COL16A1: variants seen among roughly 807,000 people sequenced by gnomAD.
COL16A1 encodes collagen alpha-1(XVI) chain.
COL16A1 carries 189 observed loss-of-function variants against 266.3 expected under a neutral mutation model. The ratio of observed to expected loss-of-function variants is 0.71; its 90% CI spans 0.63 to 0.80. COL16A1 has a LOEUF of 0.80. COL16A1 is among the 30% of genes least tolerant of loss of function. COL16A1 has a pLI of 0.00. For missense variants in COL16A1, 1,928 were observed against 2,122.4 expected (o/e 0.91, Z 1.80); for synonymous variants, 740 against 782.3 (o/e 0.95, Z 0.90).
chr1:31,667,682 G>A (rs879067274), intron 51 of COL16A1, 54 bp from the exon 52 acceptor site: 14 of 1,495,590 alleles, frequency 9.4e-6, no homozygotes, highest in South Asian at 3.6e-5. Context: ...AGTCCGTCAC[G>A]GCACTAATGC....
Position 31,699,840 on chromosome 1 carries a change from C to T in COL16A1, c.239G>A (p.Gly80Glu). The change falls in exon 4 of 71, where the codon GGG (glycine) becomes GAG (glutamate). Residue 80 changes from glycine (G) to glutamate (E), a missense_variant. By Grantham distance (98) the Gly-to-Glu change is moderately conservative (BLOSUM62 -2). Around this residue, in one of 2 missense-constraint regions of COL16A1, gnomAD observed 1,552 missense variants for 1,637.2 expected, o/e 0.95. Transcript: ENST00000373672. ...CGTGGGCTGGGTCACGGGGGCCGCC[C>T]CCAGGCGCAGGATGAGAGGCCCCTT... is the stretch of plus-strand genomic sequence containing the variant. ...NPKGPLILRL[G>E]AAPVTQPTRR... The T allele has an allele frequency of 1.2e-6, 2 of 1,613,542 alleles. No homozygotes were observed. Among genetic ancestry groups the T allele is most frequent in the Non-Finnish European group, 1.7e-6 (2 of 1,179,520 alleles).
At position 31,662,723 on chromosome 1, in the gene COL16A1, A is replaced by G. The variant is rs1381655541; in HGVS notation, c.3556-65T>C. The G allele has an allele frequency of 1.0e-5, 13 of 1,260,546 alleles. No homozygotes were observed. In the East Asian group the frequency reaches 4.8e-4, roughly 46 times the overall value. The allele number at this position is 1,260,546 out of a possible 1,614,324, so 78.1% of individuals were successfully genotyped here. On this transcript the variant is annotated intron_variant, in intron 56 of 70. Transcript: ENST00000373672. ...AAGTCAGCAGGGCTTTGCCCCACCC[A>G]TGGAGACCAGGCCCTGGGTCAAGGG... is the stretch of plus-strand genomic sequence containing the variant.
In COL16A1 at chr1:31,662,659, C is replaced by T. The variant is rs745690482; in HGVS notation, c.3556-1G>A. The T allele has an allele frequency of 6.5e-7, 1 of 1,543,842 alleles. No homozygotes were observed. The highest frequency in any genetic ancestry group is 1.4e-5 in the African/African-American group (1 of 72,682). On this transcript the variant is annotated splice_acceptor_variant, in intron 56 of 70. Transcript: ENST00000373672. LOFTEE classifies it high-confidence loss of function. ...ATGGGCCTCGAATCCCTTCGCTGCCCTGGAAACCAGCGCCGCCCCCCCCCC... is the reference window on the plus strand; with the variant it reads ...ATGGGCCTCGAATCCCTTCGCTGCCTTGGAAACCAGCGCCGCCCCCCCCCC...
intron 17 of COL16A1, 73 bp from the exon 18 acceptor site, chr1:31,691,715 G>A: frequency 1.3e-6 from 2 of 1,544,184 alleles, no homozygotes; most frequent in Middle Eastern, 2.0e-4. Context: ...AGAGGTGAAT[G>A]CCCACCTGTC....
chr1:31,658,871 C>T (rs373928334), intron 63 of COL16A1, 43 bp downstream of exon 63: 50 of 1,550,636 alleles, frequency 3.2e-5, no homozygotes, highest in Middle Eastern at 1.7e-4. Context: ...TCAAGCAGGG[C>T]AAAACTCCTG....
At position 31,656,425 on chromosome 1, in the gene COL16A1, C is replaced by A; in HGVS notation, c.4076G>T (p.Gly1359Val). 1.9e-6 allele frequency: 3 copies of A among 1,613,434 alleles called. No individual in the cohort carries two copies. The highest frequency in any genetic ancestry group is 2.5e-6 in the Non-Finnish European group (3 of 1,179,806). ...AGKEGPPGKQGFYGPPGPKGD... is the reference protein window; with the variant it reads ...AGKEGPPGKQVFYGPPGPKGD... ...CTTGGGACCAGGAGGTCCATAGAAT[C>A]CCTGCTTTCCAGGGGGTCCCTAGAG... Residue 1359 changes from glycine (G) to valine (V), a missense_variant, in exon 66 of 71, where the codon GGA becomes GTA. Gly to Val is a moderately radical substitution (Grantham distance 109). Around this residue, in one of 2 missense-constraint regions of COL16A1, gnomAD observed 376 missense variants for 485.2 expected, o/e 0.77. Transcript: ENST00000373672. This position sits in a 1 kb window ranked among gnomAD's most constrained non-coding sequence, Gnocchi z 4.2.
intron 22 of COL16A1, 116 bp downstream of exon 22, chr1:31,690,251 G>T: frequency 6.7e-7 from 1 of 1,487,604 alleles, no homozygotes. Context: ...GAACGGGTGG[G>T]GGTCCCCTGA....
Position 31,702,189 on chromosome 1 carries a change from C to T in COL16A1, c.5G>A (p.Trp2Ter). The T allele has an allele frequency of 6.8e-6, 11 of 1,614,108 alleles. No homozygotes were observed. Among genetic ancestry groups the T allele is most frequent in the Non-Finnish European group, 9.3e-6 (11 of 1,179,998 alleles). M[W>*]VSWAPGLWLL... is the part of the protein sequence containing the mutation. ...CCACAGGCCAGGAGCCCAGGATACC[C>T]ACATCCCGGTCCAAAGAGGTCAGCT... The change falls in exon 2 of 71, where the codon TGG (tryptophan) becomes TAG (stop). Residue 2 changes from tryptophan (W) to a stop codon, truncating the protein, a stop_gained. Transcript: ENST00000373672. LOFTEE classifies it high-confidence loss of function.
rs929437911 is a variant in COL16A1 at position 31,698,299 on chromosome 1, G to A, written c.391-127C>T. The stretch of plus-strand genomic sequence containing the variant: ...GAGGCCCAGAAAGAGAAGAAAGCCG[G>A]CTGGGGTCAAGGAGCTATACATCCT... On this transcript the variant is annotated intron_variant, in intron 5 of 70. Coordinates refer to ENST00000373672, the MANE Select transcript of COL16A1 (RefSeq NM_001856.4). The surrounding 1 kb of genome is among the most constrained non-coding windows in gnomAD (Gnocchi z 4.1). The A allele has an allele frequency of 6.5e-7, 1 of 1,538,604 alleles. No individual in the cohort carries two copies. Among genetic ancestry groups the A allele is most frequent in the Non-Finnish European group, 8.7e-7 (1 of 1,145,940 alleles).
Position 31,656,997 on chromosome 1 carries a change from C to A in COL16A1, c.4056+36G>T, listed in dbSNP as rs747247283. On this transcript the variant is annotated intron_variant, in intron 65 of 70. Transcript: ENST00000373672. The surrounding 1 kb of genome is among the most constrained non-coding windows in gnomAD (Gnocchi z 4.2). ...AGGGCAAGGCGAGGAGCAAGAAGCA[C>A]CCCCAAGGAAACAGAGAAGACCAGT... is the stretch of plus-strand genomic sequence containing the variant. The A allele has an allele frequency of 6.8e-6, 11 of 1,614,050 alleles. No individual in the cohort carries two copies. The highest frequency in any genetic ancestry group is 9.3e-6 in the Non-Finnish European group (11 of 1,179,956).
chr1:31,695,674 C>T, intron 10 of COL16A1, 87 bp downstream of exon 10: 7 of 1,281,608 alleles, frequency 5.5e-6, no homozygotes, highest in Non-Finnish European at 7.9e-6. Flanking sequence ...TCAGCCAGCA[C>T]CCCTATGCTG....
At position 31,685,531 on chromosome 1, in the gene COL16A1, CTA is replaced by C; in HGVS notation, c.2016+106_2016+107del. 1.5e-6 allele frequency: 2 copies of C among 1,331,450 alleles called. No individual in the cohort carries two copies. 82.5% of individuals were successfully genotyped at this position (1,331,450 alleles called of 1,614,324 possible). A position where few individuals can be genotyped will look rare whatever the true frequency, so the allele number is the denominator to read the frequency against. On this transcript the variant is annotated intron_variant, in intron 29 of 70. Coordinates refer to ENST00000373672, the MANE Select transcript of COL16A1 (RefSeq NM_001856.4). The surrounding 1 kb of genome is among the most constrained non-coding windows in gnomAD (Gnocchi z 4.0). ...CTCTGACCCCGCCACACCCTCCCCA[CTA>C]CCCCCAACTGCCCAGGGAGTCAAGA...
At position 31,671,402 on chromosome 1, in the gene COL16A1, C is replaced by T. The variant is rs577135494; in HGVS notation, c.3150+213G>A. On this transcript the variant is annotated intron_variant, in intron 48 of 70. Transcript: ENST00000373672. ...TCTGAGGACCTCCCCTAAGCAGGAC[C>T]GCAGGCAGTAGGCAGAGCAGGGCGG... is the stretch of plus-strand genomic sequence containing the variant. 7.9e-5 allele frequency among the ~76,000 whole-genome samples: 12 copies of T among 152,274 alleles called. No individual in the cohort carries two copies. In the South Asian group the frequency reaches 2.3e-3, roughly 29 times the overall value.
Position 31,668,974 on chromosome 1 carries a change from G to T in COL16A1, c.3196-119C>A. ...TCCAGGCAAATATGGAGGCCATAGT[G>T]GCTCTCGTAGTGTCCCTAGAAGGTG... On this transcript the variant is annotated intron_variant, in intron 49 of 70. Coordinates refer to ENST00000373672, the MANE Select transcript of COL16A1 (RefSeq NM_001856.4). The surrounding 1 kb of genome is among the most constrained non-coding windows in gnomAD (Gnocchi z 5.8). 1.2e-6 allele frequency: 1 copy of T among 841,238 alleles called. No individual in the cohort carries two copies. The highest frequency in any genetic ancestry group is 1.9e-6 in the Non-Finnish European group (1 of 540,202). The allele number at this position is 841,238 out of a possible 1,614,324, so 52.1% of individuals were successfully genotyped here.
At position 31,662,391 on chromosome 1, in the gene COL16A1, G is replaced by A; in HGVS notation, c.3628-4C>T. The A allele has an allele frequency of 6.2e-7, 1 of 1,611,556 alleles. No homozygotes were observed. The highest frequency in any genetic ancestry group is 8.5e-7 in the Non-Finnish European group (1 of 1,178,874). On this transcript the variant is annotated splice_region_variant and splice_polypyrimidine_tract_variant and intron_variant, in intron 57 of 70. Coordinates refer to ENST00000373672, the MANE Select transcript of COL16A1 (RefSeq NM_001856.4). The stretch of plus-strand genomic sequence containing the variant: ...AACCATCCAGACCGGCGGGGCCCTG[G>A]AAACAGGAAAGAGGCATTTCTACAT...
In COL16A1 at chr1:31,697,860, T is replaced by A; in HGVS notation, c.657+46A>T. On this transcript the variant is annotated intron_variant, in intron 6 of 70. Transcript: ENST00000373672. This position sits in a 1 kb window ranked among gnomAD's most constrained non-coding sequence, Gnocchi z 4.2. ...ACGGATTCCAGGAAGCCCACTCAGG[T>A]TCCCAGAAGGCAGGAACAGAGGTCA... 1 of 1,548,392 alleles carries A rather than the reference T, an allele frequency of 6.5e-7. No homozygotes were observed.
In COL16A1 at chr1:31,688,068, G is replaced by A. The variant is rs561103518; in HGVS notation, c.1803+399C>T. ...ATTTACTTGGCCTTTGTGTGCCTCC[G>A]TTTCCTCATCTGTGAAATGGGAATA... is the stretch of plus-strand genomic sequence containing the variant. On this transcript the variant is annotated intron_variant, in intron 26 of 70. Transcript: ENST00000373672. This position sits in a 1 kb window ranked among gnomAD's most constrained non-coding sequence, Gnocchi z 4.9. Among the ~76,000 whole-genome samples, 3 of 152,194 alleles carry A rather than the reference G, an allele frequency of 2.0e-5. No homozygotes were observed. The highest frequency in any genetic ancestry group is 2.1e-4 in the South Asian group (1 of 4,810).
In COL16A1 at chr1:31,652,898, C is replaced by A; in HGVS notation, c.4613-45G>T. 15 of 1,425,840 alleles carry A rather than the reference C, an allele frequency of 1.1e-5. No individual in the cohort carries two copies. The highest frequency in any genetic ancestry group is 1.4e-5 in the Non-Finnish European group (15 of 1,086,080). The allele number at this position is 1,425,840 out of a possible 1,614,324, so 88.3% of individuals were successfully genotyped here. ...AGAGGGAAAATCAGAAGACCCAGAT[C>A]ATAAGGGAAAAGAAGCCATAATGGC... is the stretch of plus-strand genomic sequence containing the variant. On this transcript the variant is annotated intron_variant, in intron 70 of 70. Transcript: ENST00000373672. This position sits in a 1 kb window ranked among gnomAD's most constrained non-coding sequence, Gnocchi z 4.8.
In COL16A1 at chr1:31,697,979, C is replaced by A; in HGVS notation, c.584G>T (p.Gly195Val). The change falls in exon 6 of 71, where the codon GGG becomes GTG. Residue 195 changes from glycine to valine, a missense_variant. Gly to Val is a moderately radical substitution (Grantham distance 109). Coordinates refer to ENST00000373672, the MANE Select transcript of COL16A1 (RefSeq NM_001856.4). The surrounding 1 kb of genome is among the most constrained non-coding windows in gnomAD (Gnocchi z 4.2). ...DCSSASSQPL[G>V]PRRPMRPVGH... is the part of the protein sequence containing the mutation. ...CACAGGCCTCATGGGTCGTCGGGGC[C>A]CCAGAGGCTGGGAGGAGGCTGAGCT... is the stretch of plus-strand genomic sequence containing the variant. The A allele has an allele frequency of 6.2e-7, 1 of 1,613,544 alleles. No homozygotes were observed. Among genetic ancestry groups the A allele is most frequent in the Non-Finnish European group, 8.5e-7 (1 of 1,180,028 alleles).
Sources: gnomAD v4.1 joint callset for allele counts (sites outside exome capture counted in the v4.1 genomes callset) on GRCh38, gnomAD v4.1.1 for gene constraint, gnomAD v4.1.1 regional missense constraint, Gnocchi (gnomAD v3.1) non-coding constraint, MANE v1.5 for transcripts, NCBI Gene and HGNC (gene_info 2026-07-23, HGNC 2026-07-21) for gene names.